DGAT1: variants seen among roughly 807,000 people sequenced by gnomAD.
The protein encoded by DGAT1 is diacylglycerol O-acyltransferase 1, also known as ACAT related gene product 1.
Under a neutral mutation model 72.6 loss-of-function variants are expected in DGAT1, and 60 were observed. The ratio of observed to expected loss-of-function variants is 0.83; its 90% confidence interval spans 0.67 to 1.02. The LOEUF is 1.02. Ranked by LOEUF, DGAT1 falls within the 50% of genes least tolerant of loss-of-function variation. The pLI, the probability that DGAT1 is intolerant of heterozygous loss-of-function variation, is 0.00. For missense variants in DGAT1, 592 were observed against 670.0 expected (o/e 0.88, Z 1.29); for synonymous variants, 290 against 267.5 (o/e 1.08, Z -0.82).
At chr8:144,319,809 A>G (rs1281557008) in intron 2 of DGAT1, among the ~76,000 whole-genome samples, 1 of 152,158 alleles carries the variant, frequency 6.6e-6, no homozygotes, top group Admixed American at 6.6e-5. Context: ...TACAAGCACT[A>G]CCAACACCTC....
At position 144,315,489 on chromosome 8, in the gene DGAT1, G is replaced by T; in HGVS notation, c.*1065C>A. 2 of 985,594 alleles carry T rather than the reference G, an allele frequency of 2.0e-6. No individual in the cohort carries two copies. The highest frequency in any genetic ancestry group is 2.4e-6 in the Non-Finnish European group (2 of 830,046). 61.1% of individuals were successfully genotyped at this position (985,594 alleles called of 1,614,324 possible). A position where few individuals can be genotyped will look rare whatever the true frequency, so the allele number is the denominator to read the frequency against. ...TGTTGGGCCATAGCTGCAGGTCTGG[G>T]GACACCAGGGCCTGGTCCAGTCTTG... On this transcript the variant is annotated 3_prime_UTR_variant, in exon 17 of 17. Coordinates refer to ENST00000528718, the MANE Select transcript of DGAT1 (RefSeq NM_012079.6).
chr8:144,315,301 AG>A lies in DGAT1; in HGVS notation c.*1252del. On this transcript the variant is annotated 3_prime_UTR_variant, in exon 17 of 17. Transcript: ENST00000528718. ...CTACTGCCATCCTCAGCAGGGCCCA[AG>A]GAGATGCCTCCATCTCAGGGCCCAC... 1.0e-6 allele frequency: 1 copy of A among 985,464 alleles called. No homozygotes were observed. The highest frequency in any genetic ancestry group is 1.2e-6 in the Non-Finnish European group (1 of 829,946). The allele number at this position is 985,464 out of a possible 1,614,324, so 61.0% of individuals were successfully genotyped here. A position where few individuals can be genotyped will look rare whatever the true frequency, so the allele number is the denominator to read the frequency against.
Position 144,315,520 on chromosome 8 carries a change from TTTAA to T in DGAT1, c.*1030_*1033del. On this transcript the variant is annotated 3_prime_UTR_variant, in exon 17 of 17. Coordinates refer to ENST00000528718, the MANE Select transcript of DGAT1 (RefSeq NM_012079.6). The stretch of plus-strand genomic sequence containing the variant: ...CAGGGCCTGGTCCAGTCTTGGGGTC[TTTAA>T]TCAAGCAGTCACCCCAGCAAGGTAA... 7.1e-6 allele frequency: 7 copies of T among 985,578 alleles called. No individual in the cohort carries two copies. The highest frequency in any genetic ancestry group is 7.2e-6 in the Non-Finnish European group (6 of 830,054). 61.1% of individuals were successfully genotyped at this position (985,578 alleles called of 1,614,324 possible).
intron 1 of DGAT1, 58 bp downstream of exon 1, chr8:144,326,379 A>G: frequency 7.4e-7 from 1 of 1,348,970 alleles, no homozygotes; most frequent in Non-Finnish European, 9.6e-7. Flanking sequence ...GCTTCGGCCA[A>G]CCCCGGAAAG....
At chr8:144,323,773 C>G (rs1554848459) in intron 1 of DGAT1, among the ~76,000 whole-genome samples, 1 of 152,246 alleles carries the variant, frequency 6.6e-6, no homozygotes. Flanking sequence ...GCCACCCTGT[C>G]TCCAGGTTCA....
At chr8:144,321,514 C>A in intron 1 of DGAT1, 106 bp from the exon 2 acceptor site, 1 of 1,004,292 alleles carries the variant, frequency 1.0e-6, no homozygotes, top group East Asian at 2.4e-5. Flanking sequence ...CCCTCAGGCC[C>A]CACTCCTTAT....
At chr8:144,318,624 A>G in intron 5 of DGAT1, 58 bp from the exon 6 acceptor site, 1 of 1,604,230 alleles carries the variant, frequency 6.2e-7, no homozygotes. Context: ...GAGGGCTGCC[A>G]GGCCTGGGGA....
At chr8:144,324,432 C>A (rs1180169317) in intron 1 of DGAT1, among the ~76,000 whole-genome samples, 1 of 152,190 alleles carries the variant, frequency 6.6e-6, no homozygotes, top group African/African-American at 2.4e-5. Flanking sequence ...TGTCCACAGC[C>A]AGTGGCCGAG....
Position 144,316,616 on chromosome 8 carries a change from C to T in DGAT1, c.1405G>A (p.Val469Ile), listed in dbSNP as rs782689595. The change falls in exon 17 of 17, where the codon GTC becomes ATC. Residue 469 changes from valine to isoleucine, a missense_variant. By Grantham distance (29) the Val-to-Ile change is conservative. Transcript: ENST00000528718. ...LSLIIGQPIA[V>I]LMYVHDYYVL... ...TAGTAGTCGTGGACGTACATGAGGA[C>T]GGCTATTGGCTGTCCGATGATGAGC... is the stretch of plus-strand genomic sequence containing the variant. 1.5e-5 allele frequency: 24 copies of T among 1,608,052 alleles called. No individual in the cohort carries two copies. Among genetic ancestry groups the T allele is most frequent in the African/African-American group, 5.3e-5 (4 of 74,860 alleles).
At position 144,315,432 on chromosome 8, in the gene DGAT1, A is replaced by G. The variant is rs2130502084; in HGVS notation, c.*1122T>C. Reference sequence around the variant, plus strand: ...ATGAGGCCCCTGGTGCAGTCCTGGGACCCTGTGCAGGGCCTCCTCAAACAC... The same window carrying G: ...ATGAGGCCCCTGGTGCAGTCCTGGGGCCCTGTGCAGGGCCTCCTCAAACAC... On this transcript the variant is annotated 3_prime_UTR_variant, in exon 17 of 17. Coordinates refer to ENST00000528718, the MANE Select transcript of DGAT1 (RefSeq NM_012079.6). 1 of 985,474 alleles carries G rather than the reference A, an allele frequency of 1.0e-6. No homozygotes were observed. The highest frequency in any genetic ancestry group is 6.1e-5 in the Admixed American group (1 of 16,292). The allele number at this position is 985,474 out of a possible 1,614,324, so 61.0% of individuals were successfully genotyped here. A position where few individuals can be genotyped will look rare whatever the true frequency, so the allele number is the denominator to read the frequency against.
rs1259599288 is a variant in DGAT1, at chr8:144,316,486, TAGG to T, written c.*65_*67del. The T allele has an allele frequency of 1.3e-6, 2 of 1,503,782 alleles. No homozygotes were observed. The highest frequency in any genetic ancestry group is 1.8e-6 in the Non-Finnish European group (2 of 1,122,766). 93.2% of individuals were successfully genotyped at this position (1,503,782 alleles called of 1,614,324 possible). On this transcript the variant is annotated 3_prime_UTR_variant, in exon 17 of 17. Coordinates refer to ENST00000528718, the MANE Select transcript of DGAT1 (RefSeq NM_012079.6). ...AGGCCCATCCCCAGCACTCGAGGCC[TAGG>T]AGGAGAGGTGGGCTCTGGCAGCGGG... is the stretch of plus-strand genomic sequence containing the variant.
At chr8:144,326,047 G>A (rs1817585654) in intron 1 of DGAT1, among the ~76,000 whole-genome samples, 1 of 152,058 alleles carries the variant, frequency 6.6e-6, no homozygotes, top group Admixed American at 6.5e-5. Flanking sequence ...ACCGCTCATA[G>A]CACCAAGAAG....
chr8:144,322,375 G>A (rs1817482475), intron 1 of DGAT1, among the ~76,000 whole-genome samples: 2 of 152,236 alleles, frequency 1.3e-5, no homozygotes, highest in Non-Finnish European at 2.9e-5. Context: ...AACTTTGTAA[G>A]AGGAGAGGCC....
chr8:144,318,191 A>AG (rs782506543), intron 7 of DGAT1, 22 bp from the exon 8 acceptor site: 11 of 1,608,848 alleles, frequency 6.8e-6, no homozygotes, highest in Non-Finnish European at 1.7e-6. Context: ...GCAGAGTGGG[A>AG]GGGGGCTGGT....
chr8:144,318,724 A>C lies in DGAT1; in HGVS notation c.443T>G (p.Phe148Cys), dbSNP rs782393632. ...IAANVFAVAA[F>C]QVEKRLAVGA... ...CACCGCCAGGCGCTTCTCAACCTGG[A>C]ATGCAGCCACAGCAAAGACATTGGC... The change falls in exon 5 of 17, where the codon TTC becomes TGC. Residue 148 changes from phenylalanine (F) to cysteine (C), a missense_variant. Transcript: ENST00000528718. 7.9e-5 allele frequency: 127 copies of C among 1,608,404 alleles called. No homozygotes were observed. In the Admixed American group the frequency reaches 1.1e-3, roughly 13 times the overall value.
intron 2 of DGAT1, among the ~76,000 whole-genome samples, chr8:144,319,919 G>A (rs954853257): frequency 5.9e-5 from 9 of 152,326 alleles, no homozygotes; most frequent in African/African-American, 2.2e-4. Context: ...CGCTGGCAAG[G>A]GAACACTGAG....
At chr8:144,319,730 C>T (rs1334487904) in intron 2 of DGAT1, among the ~76,000 whole-genome samples, 1 of 152,204 alleles carries the variant, frequency 6.6e-6, no homozygotes, top group Non-Finnish European at 1.5e-5. Flanking sequence ...TGGAATAAGG[C>T]TCTTGGGACG....
rs1007187420 is a variant in DGAT1, at chr8:144,315,063, G to C, written c.*1491C>G. 1.4e-5 allele frequency: 14 copies of C among 985,424 alleles called. No homozygotes were observed. The highest frequency in any genetic ancestry group is 5.2e-4 in the Middle Eastern group (1 of 1,936). The allele number at this position is 985,424 out of a possible 1,614,324, so 61.0% of individuals were successfully genotyped here. A position where few individuals can be genotyped will look rare whatever the true frequency, so the allele number is the denominator to read the frequency against. ...GCACCCTGTGTAGGCACGGGGAACG[G>C]GAGCCTGTCCCGTAGCTTTAGGGTT... On this transcript the variant is annotated 3_prime_UTR_variant, in exon 17 of 17. Transcript: ENST00000528718.
Position 144,326,599 on chromosome 8 carries a change from C to T in DGAT1, c.38G>A (p.Gly13Glu). ...GCCGCCGTGGCTCGAGGGCCGCGACCCTGTCCTCCGGCGCCGGGAGCTGCC... is the reference window on the plus strand; with the variant it reads ...GCCGCCGTGGCTCGAGGGCCGCGACTCTGTCCTCCGGCGCCGGGAGCTGCC... ...DRGSSRRRRT[G>E]SRPSSHGGGG... The change falls in exon 1 of 17, where the codon GGG (glycine) becomes GAG (glutamate). Residue 13 changes from glycine (G) to glutamate (E), a missense_variant. By Grantham distance (98) the Gly-to-Glu change is moderately conservative. Coordinates refer to ENST00000528718, the MANE Select transcript of DGAT1 (RefSeq NM_012079.6). 2.5e-6 allele frequency: 3 copies of T among 1,222,736 alleles called. No homozygotes were observed. Among genetic ancestry groups the T allele is most frequent in the Non-Finnish European group, 3.1e-6 (3 of 981,994 alleles). 75.7% of individuals were successfully genotyped at this position (1,222,736 alleles called of 1,614,324 possible).
Sources: allele counts gnomAD v4.1 joint callset (sites outside exome capture counted in the v4.1 genomes callset), GRCh38; gene constraint gnomAD v4.1.1; transcripts MANE v1.5; gene names NCBI Gene and HGNC (gene_info 2026-07-23, HGNC 2026-07-21).